The following RBFOX1 variants were observed in gnomAD, a reference collection of about 807,000 sequenced individuals.
The protein encoded by RBFOX1 is RNA binding fox-1 homolog 1, also known as RNA binding protein fox-1 homolog 1.
In RBFOX1, 8 loss-of-function variants were observed where a neutral mutation model predicts 57.7. The ratio of observed to expected loss-of-function variants is 0.14; its 90% CI spans 0.08 to 0.25. RBFOX1 has a LOEUF of 0.25. Among genes scored for constraint, RBFOX1 ranks in the 10% least tolerant of loss-of-function variants. RBFOX1 has a pLI of 1.00. For synonymous variants in RBFOX1, 326 were observed against 222.4 expected, an observed-to-expected ratio of 1.47 and a Z score of -4.15; for missense variants, 611 against 548.5, an observed-to-expected ratio of 1.11 and a Z score of -1.14.
chr16:6,774,388 T>C (rs187349729), intron 3 of RBFOX1, among the ~76,000 whole-genome samples: 40 of 152,306 alleles, frequency 2.6e-4, no homozygotes, highest in Admixed American at 8.5e-4. Flanking sequence ...AATTGAGCAA[T>C]TGTGGTTATG....
At chr16:5,498,136 CTTTTGT>C (rs889803642) in intron 2 of RBFOX1, among the ~76,000 whole-genome samples, 1 of 151,986 alleles carries the variant, frequency 6.6e-6, no homozygotes, top group Non-Finnish European at 1.5e-5. Context: ...GCATTTTATT[CTTTTGT>C]TTTTGTTTTT....
chr16:7,341,269 A>G (rs1249881746), intron 4 of RBFOX1, among the ~76,000 whole-genome samples: 1 of 152,180 alleles, frequency 6.6e-6, no homozygotes, highest in Non-Finnish European at 1.5e-5. Flanking sequence ...CCTCTGAGCA[A>G]CCGAGACCAT....
At chr16:5,959,379 T>C (rs1199973374) in intron 4 of RBFOX1, among the ~76,000 whole-genome samples, 1 of 152,156 alleles carries the variant, frequency 6.6e-6, no homozygotes, top group Non-Finnish European at 1.5e-5. Context: ...AAAGGTCAAC[T>C]GTTATTAAAA....
At chr16:6,515,473 T>C (rs775420584) in intron 2 of RBFOX1, among the ~76,000 whole-genome samples, 2 of 152,348 alleles carry the variant, frequency 1.3e-5, no homozygotes, top group South Asian at 2.1e-4. Context: ...ATAACTAATA[T>C]GCTGTCTACC....
intron 1 of RBFOX1, among the ~76,000 whole-genome samples, chr16:6,034,219 C>G (rs1384779007): frequency 1.3e-5 from 2 of 148,648 alleles, no homozygotes; most frequent in Non-Finnish European, 3.0e-5. Flanking sequence ...CCTGTAATCC[C>G]AGCTACTTGG....
At chr16:6,459,109 G>T (rs150348632) in intron 2 of RBFOX1, among the ~76,000 whole-genome samples, 2,397 of 152,328 alleles carry the variant, frequency 0.016, 70 homozygotes, top group African/African-American at 0.052. Context: ...GCCAAGGTGG[G>T]TGGATCCCGA....
chr16:5,967,745 C>G (rs1213953327), intron 4 of RBFOX1, among the ~76,000 whole-genome samples: 1 of 152,052 alleles, frequency 6.6e-6, no homozygotes, highest in Non-Finnish European at 1.5e-5. Context: ...AGGATATTCC[C>G]AAATTATGTG....
At chr16:6,754,083 A>T (rs1459287464) in intron 3 of RBFOX1, among the ~76,000 whole-genome samples, 3 of 152,180 alleles carry the variant, frequency 2.0e-5, no homozygotes, top group African/African-American at 7.2e-5. Flanking sequence ...AGACACCCAT[A>T]ATTTTACCTA....
chr16:6,508,475 AAAAG>A, intron 2 of RBFOX1, among the ~76,000 whole-genome samples: 1 of 152,214 alleles, frequency 6.6e-6, no homozygotes, highest in East Asian at 1.9e-4. Context: ...CAAAAAACCA[AAAAG>A]AAAACATAAT....
chr16:5,412,724 C>T (rs770039942), intron 1 of RBFOX1, among the ~76,000 whole-genome samples: 5 of 152,148 alleles, frequency 3.3e-5, no homozygotes, highest in Non-Finnish European at 5.9e-5. Flanking sequence ...TCGGAATTAG[C>T]GTCCCTATAT....
chr16:7,177,038 A>ACC (rs546897647), intron 4 of RBFOX1, among the ~76,000 whole-genome samples: 34 of 152,318 alleles, frequency 2.2e-4, no homozygotes, highest in African/African-American at 7.5e-4. Flanking sequence ...AAATTCAGGA[A>ACC]CCACCCCAGG....
At chr16:6,584,832 C>T (rs1474251471) in intron 2 of RBFOX1, among the ~76,000 whole-genome samples, 1 of 152,196 alleles carries the variant, frequency 6.6e-6, no homozygotes, top group Non-Finnish European at 1.5e-5. Context: ...CAGCAGCCTC[C>T]AGCCGATGTC....
chr16:6,220,170 A>G (rs994339535), intron 1 of RBFOX1, among the ~76,000 whole-genome samples: 7 of 152,218 alleles, frequency 4.6e-5, no homozygotes, highest in Admixed American at 2.0e-4. Context: ...GTGTGTATAT[A>G]TATACATCTC....
At position 7,709,136 on chromosome 16, in the gene RBFOX1, G is replaced by C. The variant is rs1387824991; in HGVS notation, c.1071+5G>C. ...ACCTACGGCGTTGGTGCCATGGTGAGTACAAGTTTCTCCTTGTCCTCACTT... is the reference window on the plus strand; with the variant it reads ...ACCTACGGCGTTGGTGCCATGGTGACTACAAGTTTCTCCTTGTCCTCACTT... On this transcript the variant is annotated splice_donor_5th_base_variant and intron_variant, in intron 15 of 15. Coordinates refer to ENST00000550418, the MANE Select transcript of RBFOX1 (RefSeq NM_018723.4). 6.2e-7 allele frequency: 1 copy of C among 1,609,508 alleles called. No individual in the cohort carries two copies. Among genetic ancestry groups the C allele is most frequent in the Admixed American group, 1.7e-5 (1 of 59,868 alleles).
chr16:6,308,203 TTATC>T (rs1413992491), intron 1 of RBFOX1, among the ~76,000 whole-genome samples: 1 of 152,160 alleles, frequency 6.6e-6, no homozygotes, highest in African/African-American at 2.4e-5. Flanking sequence ...CATTGTGTAT[TTATC>T]TATTTGGATG....
chr16:5,506,116 T>A (rs1410123423), intron 2 of RBFOX1, among the ~76,000 whole-genome samples: 2 of 152,048 alleles, frequency 1.3e-5, no homozygotes, highest in Non-Finnish European at 2.9e-5. Flanking sequence ...CTCACACACC[T>A]CCTCCTGCTG....
chr16:7,519,068 C>T (rs1191794542), intron 5 of RBFOX1, among the ~76,000 whole-genome samples: 1 of 152,104 alleles, frequency 6.6e-6, no homozygotes, highest in Non-Finnish European at 1.5e-5. Context: ...ATTTACATAC[C>T]TTAAAATTAG....
At chr16:6,676,165 CA>C (rs1381527780) in intron 3 of RBFOX1, among the ~76,000 whole-genome samples, 24 of 151,840 alleles carry the variant, frequency 1.6e-4, no homozygotes, top group African/African-American at 5.3e-4. Flanking sequence ...CACACACACA[CA>C]CACACACACA....
At chr16:6,510,162 CAT>C (rs1159026722) in intron 2 of RBFOX1, among the ~76,000 whole-genome samples, 4 of 152,170 alleles carry the variant, frequency 2.6e-5, no homozygotes, top group African/African-American at 7.2e-5. Flanking sequence ...AGAGTGGAAA[CAT>C]ATGTATGCTC....
Sources: gnomAD v4.1 joint callset for allele counts (sites outside exome capture counted in the v4.1 genomes callset) on GRCh38, gnomAD v4.1.1 for gene constraint, MANE v1.5 for transcripts, NCBI Gene and HGNC (gene_info 2026-07-23, HGNC 2026-07-21) for gene names.